The following CD58 variants were observed in gnomAD, a reference collection of about 807,000 sequenced individuals.
CD58 encodes the protein lymphocyte function-associated antigen 3.
A neutral mutation model predicts 27.6 loss-of-function variants in CD58; 14 were observed. The ratio of observed to expected loss-of-function variants is 0.51; its 90% CI spans 0.34 to 0.79. The LOEUF (loss-of-function observed/expected upper bound fraction) is 0.79, where lower values mean the gene tolerates loss of function less well. Among genes scored for constraint, CD58 ranks in the 30% least tolerant of loss-of-function variants. The pLI is 0.02. For synonymous variants in CD58, 117 were observed against 103.8 expected (o/e 1.13, Z -0.77); for missense variants, 268 against 301.7 (o/e 0.89, Z 0.83).
At chr1:116,558,592 TAGTC>T (rs1416882313) in intron 1 of CD58, among the ~76,000 whole-genome samples, 12 of 152,248 alleles carry the variant, frequency 7.9e-5, no homozygotes, top group Non-Finnish European at 1.6e-4. Context: ...ATTCTCATAT[TAGTC>T]AGTCCCAATT....
rs2101181233 is a variant in CD58 at position 116,538,801 on chromosome 1, C to T, written c.365-2573G>A. 6.6e-6 allele frequency among the ~76,000 whole-genome samples: 1 copy of T among 152,300 alleles called. No individual in the cohort carries two copies. The highest frequency in any genetic ancestry group is 2.1e-4 in the South Asian group (1 of 4,822). On this transcript the variant is annotated intron_variant, in intron 2 of 5. Coordinates refer to ENST00000369489, the MANE Select transcript of CD58 (RefSeq NM_001779.3). This position sits in a 1 kb window ranked among gnomAD's most constrained non-coding sequence, Gnocchi z 4.7. Reference sequence around the variant, plus strand: ...ACAGCACATGACATAATGCAAGGCACACAGATGGCTCCTCACAAGCAGTAC... The same window carrying T: ...ACAGCACATGACATAATGCAAGGCATACAGATGGCTCCTCACAAGCAGTAC...
chr1:116,570,741 T>C lies in CD58; in HGVS notation c.70+162A>G, dbSNP rs1423834177. Among the ~76,000 whole-genome samples, 1 of 152,102 alleles carries C rather than the reference T, an allele frequency of 6.6e-6. No individual in the cohort carries two copies. The highest frequency in any genetic ancestry group is 1.5e-5 in the Non-Finnish European group (1 of 68,004). On this transcript the variant is annotated intron_variant, in intron 1 of 5. Coordinates refer to ENST00000369489, the MANE Select transcript of CD58 (RefSeq NM_001779.3). This position sits in a 1 kb window ranked among gnomAD's most constrained non-coding sequence, Gnocchi z 6.4. The stretch of plus-strand genomic sequence containing the variant: ...CTGGCGATGAAATAACAACTTTCTC[T>C]TCCTGAAAAGGCTCCCACGGCTGAG...
At chr1:116,544,228 C>G (rs11588201) in intron 2 of CD58, 83 bp downstream of exon 2, 220 of 905,570 alleles carry the variant, frequency 2.4e-4, no homozygotes, top group Non-Finnish European at 2.8e-4. Flanking sequence ...TCTCATAGAC[C>G]ATTAATTTGT....
At position 116,523,506 on chromosome 1, in the gene CD58, G is replaced by A. The variant is rs773292310; in HGVS notation, c.629-1523C>T. ...CAAATAGGCAGTCACCTATTGGTCA[G>A]ATTTGAGAAGACCCTGGCCAGAAAC... is the stretch of plus-strand genomic sequence containing the variant. On this transcript the variant is annotated intron_variant, in intron 3 of 5. Coordinates refer to ENST00000369489, the MANE Select transcript of CD58 (RefSeq NM_001779.3). The surrounding 1 kb of genome is among the most constrained non-coding windows in gnomAD (Gnocchi z 4.4). Among the ~76,000 whole-genome samples the A allele has an allele frequency of 3.3e-5, 5 of 152,218 alleles. No homozygotes were observed. The highest frequency in any genetic ancestry group is 7.3e-5 in the Non-Finnish European group (5 of 68,038).
chr1:116,518,748 A>C, intron 5 of CD58: 4 of 993,352 alleles, frequency 4.0e-6, no homozygotes, highest in Non-Finnish European at 4.8e-6. Context: ...TTTGTGTCCT[A>C]TCTTTTATAT....
rs761524076 is a variant in CD58, at chr1:116,570,937, C to T, written c.36G>A (p.Gly12=). Residue 12 remains glycine (G), a synonymous_variant, in exon 1 of 6, where the codon GGG becomes GGA. Coordinates refer to ENST00000369489, the MANE Select transcript of CD58 (RefSeq NM_001779.3). The surrounding 1 kb of genome is among the most constrained non-coding windows in gnomAD (Gnocchi z 6.4). The stretch of plus-strand genomic sequence containing the variant: ...GCAGCAGGCAGACCACGCTGAGGAC[C>T]CCCAGGGCCCGCCCCGCGTCGCTCC... ...VAGSDAGRAL[G]VLSVVCLLHC... is the part of the protein sequence containing the mutation. The T allele has an allele frequency of 1.3e-6, 2 of 1,568,364 alleles. No individual in the cohort carries two copies. The highest frequency in any genetic ancestry group is 1.2e-5 in the South Asian group (1 of 86,156).
chr1:116,543,500 A>G (rs1251814002), intron 2 of CD58, among the ~76,000 whole-genome samples: 1 of 151,980 alleles, frequency 6.6e-6, no homozygotes, highest in African/African-American at 2.4e-5. Context: ...CCTTAAAATG[A>G]CCAAGAAACA....
chr1:116,563,758 C>T lies in CD58; in HGVS notation c.70+7145G>A, dbSNP rs994227240. ...GGAGGCTGCAAAGAGCAGGGGGGCC[C>T]TGGGTCCAGCCCATGAAACAATTTT... On this transcript the variant is annotated intron_variant, in intron 1 of 5. Coordinates refer to ENST00000369489, the MANE Select transcript of CD58 (RefSeq NM_001779.3). This position sits in a 1 kb window ranked among gnomAD's most constrained non-coding sequence, Gnocchi z 4.1. Among the ~76,000 whole-genome samples the T allele has an allele frequency of 6.6e-6, 1 of 152,214 alleles. No individual in the cohort carries two copies. Among genetic ancestry groups the T allele is most frequent in the African/African-American group, 2.4e-5 (1 of 41,474 alleles).
rs1658432635 is a variant in CD58 at position 116,552,737 on chromosome 1, T to A, written c.71-8133A>T. Among the ~76,000 whole-genome samples, 1 of 152,234 alleles carries A rather than the reference T, an allele frequency of 6.6e-6. No individual in the cohort carries two copies. On this transcript the variant is annotated intron_variant, in intron 1 of 5. Transcript: ENST00000369489. This position sits in a 1 kb window ranked among gnomAD's most constrained non-coding sequence, Gnocchi z 4.5. ...TAATTAATCTGCCATCCACCACTGA[T>A]GAACACTCCTTTTGTGGCTAGCTTT...
chr1:116,516,658 C>T lies in CD58; in HGVS notation c.744-1836G>A, dbSNP rs1214863289. Among the ~76,000 whole-genome samples, 1 of 152,178 alleles carries T rather than the reference C, an allele frequency of 6.6e-6. No homozygotes were observed. Among genetic ancestry groups the T allele is most frequent in the Non-Finnish European group, 1.5e-5 (1 of 68,042 alleles). ...TATCCCACCTGGAATGCCTTTTCTA[C>T]TCCACTCTTGTTCTGAAAATGTAGG... is the stretch of plus-strand genomic sequence containing the variant. On this transcript the variant is annotated intron_variant, in intron 5 of 5. Coordinates refer to ENST00000369489, the MANE Select transcript of CD58 (RefSeq NM_001779.3). The surrounding 1 kb of genome is among the most constrained non-coding windows in gnomAD (Gnocchi z 6.1).
At chr1:116,518,876 G>A in intron 5 of CD58, 1 of 1,113,638 alleles carries the variant, frequency 9.0e-7, no homozygotes, top group Non-Finnish European at 1.1e-6. Context: ...ATAACTCTTG[G>A]AGTCCAAAGA....
rs1658438531 is a variant in CD58, at chr1:116,552,922, A to G, written c.71-8318T>C. Among the ~76,000 whole-genome samples, 1 of 152,196 alleles carries G rather than the reference A, an allele frequency of 6.6e-6. No homozygotes were observed. Among genetic ancestry groups the G allele is most frequent in the South Asian group, 2.1e-4 (1 of 4,830 alleles). The stretch of plus-strand genomic sequence containing the variant: ...AGAAGTTGCTGCATTGTTTACAAAA[A>G]AGACTTTGGCAATTTACATCTCCAT... On this transcript the variant is annotated intron_variant, in intron 1 of 5. Coordinates refer to ENST00000369489, the MANE Select transcript of CD58 (RefSeq NM_001779.3). This position sits in a 1 kb window ranked among gnomAD's most constrained non-coding sequence, Gnocchi z 4.5.
intron 5 of CD58, chr1:116,518,944 G>T: frequency 1.0e-6 from 1 of 970,266 alleles, no homozygotes; most frequent in Non-Finnish European, 1.4e-6. Context: ...TATCTCACTT[G>T]ACTTCTATGA....
chr1:116,539,741 T>G (rs950950964), intron 2 of CD58, among the ~76,000 whole-genome samples: 4 of 152,230 alleles, frequency 2.6e-5, no homozygotes, highest in African/African-American at 9.7e-5. Context: ...TCACAGTTTC[T>G]ACACCTCAGA....
intron 1 of CD58, among the ~76,000 whole-genome samples, chr1:116,567,088 C>T (rs1158628015): frequency 6.7e-6 from 1 of 149,906 alleles, no homozygotes; most frequent in Non-Finnish European, 1.5e-5. Flanking sequence ...TGCAGTGAGC[C>T]ATAATTGTGT....
At chr1:116,542,316 C>A (rs928654175) in intron 2 of CD58, among the ~76,000 whole-genome samples, 1 of 152,120 alleles carries the variant, frequency 6.6e-6, no homozygotes, top group Non-Finnish European at 1.5e-5. Context: ...AGGGTGGTAT[C>A]CTGGATGTCA....
At position 116,538,926 on chromosome 1, in the gene CD58, G is replaced by C. The variant is rs144271586; in HGVS notation, c.365-2698C>G. Among the ~76,000 whole-genome samples the C allele has an allele frequency of 6.4e-3, 977 of 152,344 alleles. 5 individuals are homozygous for C. The highest frequency in any genetic ancestry group is 0.022 in the African/African-American group (933 of 41,570). On this transcript the variant is annotated intron_variant, in intron 2 of 5. Coordinates refer to ENST00000369489, the MANE Select transcript of CD58 (RefSeq NM_001779.3). This position sits in a 1 kb window ranked among gnomAD's most constrained non-coding sequence, Gnocchi z 4.7. Reference sequence around the variant, plus strand: ...TACCCGCTATCTCCAAAGAGGTACAGTATGGTGTTTAGCATGGACTCAGAA... The same window carrying C: ...TACCCGCTATCTCCAAAGAGGTACACTATGGTGTTTAGCATGGACTCAGAA...
rs2101193935 is a variant in CD58, at chr1:116,546,629, T to C, written c.71-2025A>G. 6.6e-6 allele frequency among the ~76,000 whole-genome samples: 1 copy of C among 152,310 alleles called. No homozygotes were observed. Among genetic ancestry groups the C allele is most frequent in the Admixed American group, 6.5e-5 (1 of 15,298 alleles). The stretch of plus-strand genomic sequence containing the variant: ...GTGAAAGAGTAGGTATGAGATAAAC[T>C]GCCATACCCTGGCGGCATGAAGATG... On this transcript the variant is annotated intron_variant, in intron 1 of 5. Transcript: ENST00000369489. The surrounding 1 kb of genome is among the most constrained non-coding windows in gnomAD (Gnocchi z 4.1).
At chr1:116,569,186 C>T (rs1220317667) in intron 1 of CD58, among the ~76,000 whole-genome samples, 1 of 152,162 alleles carries the variant, frequency 6.6e-6, no homozygotes, top group Non-Finnish European at 1.5e-5. Context: ...AGGAGAGTTA[C>T]CCCATCCATT....
Sources: gnomAD v4.1 joint callset for allele counts (sites outside exome capture counted in the v4.1 genomes callset) on GRCh38, gnomAD v4.1.1 for gene constraint, Gnocchi (gnomAD v3.1) non-coding constraint, MANE v1.5 for transcripts, NCBI Gene and HGNC (gene_info 2026-07-23, HGNC 2026-07-21) for gene names.